The following L3MBTL1 variants were observed in gnomAD, a reference collection of about 807,000 sequenced individuals.
L3MBTL1 encodes the protein lethal(3)malignant brain tumor-like protein 1.
In L3MBTL1, 75 loss-of-function variants were observed where a neutral mutation model predicts 105.3. That is an observed-to-expected ratio of 0.71 (90% CI 0.59 to 0.86). L3MBTL1 has a LOEUF of 0.86. Among genes scored for constraint, L3MBTL1 ranks in the 40% least tolerant of loss-of-function variants. The pLI is 0.00. For missense variants in L3MBTL1, 1,069 were observed against 1,126.4 expected (o/e 0.95, Z 0.73); for synonymous variants, 452 against 436.2 (o/e 1.04, Z -0.45).
chr20:43,510,509 A>G (rs1055122032), intron 1 of L3MBTL1, among the ~76,000 whole-genome samples: 7 of 150,078 alleles, frequency 4.7e-5, no homozygotes, highest in African/African-American at 1.7e-4. Flanking sequence ...GGTTCAAGCA[A>G]TTCTCCTGCC....
At chr20:43,508,812 CAG>C (rs2018054891) in intron 1 of L3MBTL1, among the ~76,000 whole-genome samples, 1 of 152,220 alleles carries the variant, frequency 6.6e-6, no homozygotes, top group South Asian at 2.1e-4. Flanking sequence ...GTAGTCTCAA[CAG>C]AGGCCTCAGC....
chr20:43,514,936 T>C, intron 4 of L3MBTL1, 73 bp from the exon 5 acceptor site: 3 of 1,556,548 alleles, frequency 1.9e-6, no homozygotes, highest in Non-Finnish European at 2.6e-6. Flanking sequence ...AGGCAGGGCC[T>C]GAGGGGGCGT....
intron 1 of L3MBTL1, among the ~76,000 whole-genome samples, chr20:43,512,890 T>C (rs1362811529): frequency 6.6e-6 from 1 of 152,268 alleles, no homozygotes; most frequent in Non-Finnish European, 1.5e-5. Flanking sequence ...GCTCTTCAGA[T>C]GCATACATTT....
At chr20:43,534,768 C>G (rs62224514) in intron 15 of L3MBTL1, 60 bp from the exon 16 acceptor site, 3 of 1,286,374 alleles carry the variant, frequency 2.3e-6, no homozygotes, top group Admixed American at 3.9e-5. Context: ...GGGAGAGGAC[C>G]TTCTGGCTGA....
rs753504471 is a variant in L3MBTL1 at position 43,534,108 on chromosome 20, C to T, written c.1599+15C>T. The T allele has an allele frequency of 8.7e-6, 14 of 1,606,742 alleles. No homozygotes were observed. Among genetic ancestry groups the T allele is most frequent in the Non-Finnish European group, 1.2e-5 (14 of 1,173,292 alleles). On this transcript the variant is annotated intron_variant, in intron 14 of 21. Coordinates refer to ENST00000418998, the MANE Select transcript of L3MBTL1 (RefSeq NM_001377303.1). ...CCTTCAAGGTGGTGAGTCAGTGCTC[C>T]CTGACCCCAGAGCTGAGCTCAGAAA...
At chr20:43,516,955 G>A (rs1392702753) in intron 7 of L3MBTL1, among the ~76,000 whole-genome samples, 2 of 151,970 alleles carry the variant, frequency 1.3e-5, no homozygotes, top group Admixed American at 6.6e-5. Flanking sequence ...ACCATGCATG[G>A]CTAATTTTTT....
chr20:43,524,361 A>G (rs1037410726), intron 7 of L3MBTL1, among the ~76,000 whole-genome samples: 2 of 152,192 alleles, frequency 1.3e-5, no homozygotes, highest in Non-Finnish European at 2.9e-5. Context: ...TTTAACAAAT[A>G]CTAAGTGCCT....
At chr20:43,508,481 G>C (rs2018045844) in intron 1 of L3MBTL1, among the ~76,000 whole-genome samples, 2 of 152,228 alleles carry the variant, frequency 1.3e-5, no homozygotes, top group Admixed American at 6.5e-5. Context: ...TAGCTGTCGA[G>C]GGCTCTACTC....
chr20:43,535,724 C>T (rs1405053585), intron 16 of L3MBTL1, 113 bp from the exon 17 acceptor site: 1 of 679,410 alleles, frequency 1.5e-6, no homozygotes, highest in African/African-American at 1.8e-5. Flanking sequence ...GGGCCCTCAT[C>T]CTTGGGGAGT....
At chr20:43,530,660 T>G in intron 10 of L3MBTL1, 138 bp from the exon 11 acceptor site, 1 of 858,716 alleles carries the variant, frequency 1.2e-6, no homozygotes, top group South Asian at 1.5e-5. Context: ...GCTTCAGTAG[T>G]GGGGAATCCC....
intron 7 of L3MBTL1, among the ~76,000 whole-genome samples, chr20:43,518,739 T>C (rs991418954): frequency 1.3e-5 from 2 of 149,980 alleles, no homozygotes; most frequent in Non-Finnish European, 3.0e-5. Context: ...CCGGGCACGG[T>C]GGCTCATGCC....
chr20:43,543,225 T>C (rs6103372), downstream of L3MBTL1, among the ~76,000 whole-genome samples: 20,382 of 152,144 alleles, frequency 0.13, 1,588 homozygotes, highest in African/African-American at 0.18. Context: ...TTAATAAGGC[T>C]TTCCAACCTC....
chr20:43,547,105 T>C (rs1445431207), intron 18 of L3MBTL1, among the ~76,000 whole-genome samples: 3 of 144,456 alleles, frequency 2.1e-5, no homozygotes, highest in Non-Finnish European at 4.6e-5. Flanking sequence ...TTAATGACTT[T>C]TTTTTTTTTT....
In L3MBTL1 at chr20:43,535,828, C is replaced by A; in HGVS notation, c.1826-9C>A. ...CTCCATGAGGACCGCCTCCTTTCTGCTCTTTTAGGACCCAGAGAGCCCAGC... is the reference window on the plus strand; with the variant it reads ...CTCCATGAGGACCGCCTCCTTTCTGATCTTTTAGGACCCAGAGAGCCCAGC... On this transcript the variant is annotated splice_polypyrimidine_tract_variant and intron_variant, in intron 16 of 21. Transcript: ENST00000418998. 1 of 1,563,194 alleles carries A rather than the reference C, an allele frequency of 6.4e-7. No individual in the cohort carries two copies. The highest frequency in any genetic ancestry group is 8.7e-7 in the Non-Finnish European group (1 of 1,155,484).
intron 1 of L3MBTL1, among the ~76,000 whole-genome samples, 194 bp downstream of exon 1, chr20:43,507,938 AG>A (rs917505389): frequency 5.3e-5 from 8 of 152,036 alleles, no homozygotes; most frequent in Non-Finnish European, 1.2e-4. Context: ...CGGAGCGCGC[AG>A]GGGGCCAGGC....
chr20:43,523,124 ATAAATAAAG>A (rs2018824707), intron 7 of L3MBTL1: 1 of 152,104 alleles, frequency 6.6e-6, no homozygotes. Flanking sequence ...AATAATAAAA[ATAAATAAAG>A]TAAAATGTCA....
intron 13 of L3MBTL1, 66 bp downstream of exon 13, chr20:43,533,484 C>T: frequency 5.8e-6 from 8 of 1,388,900 alleles, no homozygotes; most frequent in Non-Finnish European, 8.0e-6. Flanking sequence ...CCACTGACCC[C>T]TCACCAGTAG....
In L3MBTL1 at chr20:43,534,240, T is replaced by G. The variant is rs1243484222; in HGVS notation, c.1600-44T>G. ...GGGCTCCCTCTGTGGGGCTCAGCTC[T>G]GCTGAGCTGCGCCTTGCCCTGAAGG... is the stretch of plus-strand genomic sequence containing the variant. On this transcript the variant is annotated intron_variant, in intron 14 of 21. Transcript: ENST00000418998. 3.2e-6 allele frequency: 5 copies of G among 1,574,914 alleles called. No individual in the cohort carries two copies. In the South Asian group the frequency reaches 5.6e-5, roughly 18 times the overall value.
At chr20:43,509,907 A>G (rs2018086292) in intron 1 of L3MBTL1, among the ~76,000 whole-genome samples, 1 of 152,218 alleles carries the variant, frequency 6.6e-6, no homozygotes, top group African/African-American at 2.4e-5. Context: ...TTTGTCACTC[A>G]GGCTGGAGTG....
Sources: allele counts gnomAD v4.1 joint callset (sites outside exome capture counted in the v4.1 genomes callset), GRCh38; gene constraint gnomAD v4.1.1; transcripts MANE v1.5; gene names NCBI Gene and HGNC (gene_info 2026-07-23, HGNC 2026-07-21).